The following SCHIP1 variants were observed in gnomAD, a reference collection of about 807,000 sequenced individuals.
SCHIP1 encodes schwannomin-interacting protein 1.
Under a neutral mutation model 29.7 loss-of-function variants are expected in SCHIP1, and 8 were observed. The observed-to-expected ratio is 0.27, with a 90% CI of 0.16 to 0.49. The LOEUF (loss-of-function observed/expected upper bound fraction) is 0.49. Ranked by LOEUF, SCHIP1 falls within the 20% of genes least tolerant of loss-of-function variation. The probability of loss-of-function intolerance (pLI) is 0.99; values close to 1 mark genes in which losing one functional copy is unlikely to be tolerated. For synonymous variants in SCHIP1, 76 were observed against 94.9 expected, an observed-to-expected ratio of 0.80 and a Z score of 1.16; for missense variants, 193 against 294.6, an observed-to-expected ratio of 0.66 and a Z score of 2.52.
the SCHIP1 span, among the ~76,000 whole-genome samples, chr3:159,319,947 G>C: frequency 6.6e-6 from 1 of 152,064 alleles, no homozygotes; most frequent in Non-Finnish European, 1.5e-5. Flanking sequence ...AGGTTTGCTT[G>C]GTGCTATGCT....
chr3:159,447,062 A>G, the SCHIP1 span, among the ~76,000 whole-genome samples: 1 of 152,176 alleles, frequency 6.6e-6, no homozygotes, highest in Non-Finnish European at 1.5e-5. Context: ...TCCCACATCA[A>G]CTTTTATCAG....
At chr3:159,451,991 T>A in the SCHIP1 span, among the ~76,000 whole-genome samples, 377 of 152,240 alleles carry the variant, frequency 2.5e-3, no homozygotes, top group Non-Finnish European at 4.8e-3. Flanking sequence ...AATCTTAATA[T>A]GAAGATGATG....
At chr3:159,836,790 G>C (rs1433312643), upstream of SCHIP1, among the ~76,000 whole-genome samples, 2 of 152,034 alleles carry the variant, frequency 1.3e-5, no homozygotes, top group African/African-American at 4.8e-5. Flanking sequence ...ATATTTTTTA[G>C]TTAAAGATAA....
At chr3:159,881,686 G>A (rs1057510191) in intron 2 of SCHIP1, among the ~76,000 whole-genome samples, 9 of 152,190 alleles carry the variant, frequency 5.9e-5, no homozygotes, top group African/African-American at 1.9e-4. Flanking sequence ...CCAGCCTGTA[G>A]CCTCTTGCTT....
At chr3:159,767,729 C>A in the SCHIP1 span, among the ~76,000 whole-genome samples, 1 of 152,110 alleles carries the variant, frequency 6.6e-6, no homozygotes, top group African/African-American at 2.4e-5. Flanking sequence ...AGACTCAGTT[C>A]AACTCTCACC....
the SCHIP1 span, among the ~76,000 whole-genome samples, chr3:159,700,633 A>C: frequency 6.6e-6 from 1 of 152,138 alleles, no homozygotes; most frequent in Non-Finnish European, 1.5e-5. Context: ...CAGCCTGACC[A>C]ATATGGTGAA....
the SCHIP1 span, among the ~76,000 whole-genome samples, chr3:159,280,270 G>T: frequency 6.6e-6 from 1 of 152,278 alleles, no homozygotes; most frequent in East Asian, 1.9e-4. Flanking sequence ...CCTAGACTAT[G>T]CCTTGTTGCC....
At chr3:159,814,630 G>A in the SCHIP1 span, among the ~76,000 whole-genome samples, 17 of 152,180 alleles carry the variant, frequency 1.1e-4, no homozygotes, top group Non-Finnish European at 2.9e-5. Context: ...ACATTTTGCC[G>A]AGTAGGGATA....
At chr3:159,552,522 A>T in the SCHIP1 span, among the ~76,000 whole-genome samples, 1 of 152,232 alleles carries the variant, frequency 6.6e-6, no homozygotes, top group South Asian at 2.1e-4. Context: ...ACTGCAGTAC[A>T]TTCAGCTTTA....
At chr3:159,853,058 G>A (rs2109117575) in intron 1 of SCHIP1, 1 of 237,376 alleles carries the variant, frequency 4.2e-6, no homozygotes, top group Middle Eastern at 1.2e-3. Context: ...AGGTGCTGTG[G>A]AGAGGAATTG....
the SCHIP1 span, among the ~76,000 whole-genome samples, chr3:159,341,694 T>A: frequency 6.6e-6 from 1 of 152,318 alleles, no homozygotes; most frequent in Non-Finnish European, 1.5e-5. Context: ...ATCTGGCTTT[T>A]TGTAGCCTAT....
the SCHIP1 span, among the ~76,000 whole-genome samples, chr3:159,636,088 G>A: frequency 6.6e-6 from 1 of 152,108 alleles, no homozygotes; most frequent in South Asian, 2.1e-4. Flanking sequence ...CTGCTCTGCT[G>A]CCCAGGCTGG....
the SCHIP1 span, among the ~76,000 whole-genome samples, chr3:159,579,323 G>A: frequency 2.6e-5 from 4 of 152,034 alleles, no homozygotes; most frequent in African/African-American, 9.7e-5. Flanking sequence ...GAATTTAAAC[G>A]ATTAATGAAT....
chr3:159,808,762 T>C, the SCHIP1 span, among the ~76,000 whole-genome samples: 2 of 152,074 alleles, frequency 1.3e-5, no homozygotes, highest in Non-Finnish European at 2.9e-5. Context: ...CACTTCATTA[T>C]ATACAAAAAA....
chr3:159,693,944 A>G, the SCHIP1 span, among the ~76,000 whole-genome samples: 1 of 152,210 alleles, frequency 6.6e-6, no homozygotes, highest in African/African-American at 2.4e-5. Flanking sequence ...CACAGCAACT[A>G]CAGCTCTGTC....
At chr3:159,800,965 TG>T in the SCHIP1 span, among the ~76,000 whole-genome samples, 3 of 72,978 alleles carry the variant, frequency 4.1e-5, no homozygotes, top group African/African-American at 2.5e-4. Flanking sequence ...CAACTAAGTC[TG>T]TTTTTTTTTT....
chr3:159,687,149 C>A, the SCHIP1 span, among the ~76,000 whole-genome samples: 2 of 152,142 alleles, frequency 1.3e-5, no homozygotes, highest in Non-Finnish European at 2.9e-5. Context: ...TGGACTGCCT[C>A]AGGTCATAAA....
At chr3:159,524,577 T>C in the SCHIP1 span, among the ~76,000 whole-genome samples, 2 of 152,332 alleles carry the variant, frequency 1.3e-5, no homozygotes, top group South Asian at 4.2e-4. Context: ...GCCCTATAAA[T>C]TGCTGCCTTC....
the SCHIP1 span, among the ~76,000 whole-genome samples, chr3:159,422,020 G>T: frequency 6.6e-6 from 1 of 152,170 alleles, no homozygotes; most frequent in African/African-American, 2.4e-5. Context: ...AAAGTGAATG[G>T]CATATATTTA....
Sources: gnomAD v4.1 joint callset for allele counts (sites outside exome capture counted in the v4.1 genomes callset) on GRCh38, gnomAD v4.1.1 for gene constraint, MANE v1.5 for transcripts, NCBI Gene and HGNC (gene_info 2026-07-23, HGNC 2026-07-21) for gene names.